Variants in KANK1 observed in about 807,000 individuals in gnomAD.
KANK1 encodes KN motif and ankyrin repeat domains 1, also known as KN motif and ankyrin repeat domain-containing protein 1.
KANK1 carries 109 observed loss-of-function variants against 106.2 expected under a neutral mutation model. The observed-to-expected ratio is 1.03, with a 90% CI of 0.88 to 1.20. The LOEUF is 1.20. Among genes scored for constraint, KANK1 ranks in the 50% most tolerant of loss-of-function variants. The pLI is 0.00. For missense variants in KANK1, 2,399 were observed against 1,710.7 expected (o/e 1.40, Z -7.10); for synonymous variants, 873 against 652.2 (o/e 1.34, Z -5.16).
chr9:507,892 G>A (rs1307191067), intron 1 of KANK1, among the ~76,000 whole-genome samples: 1 of 151,844 alleles, frequency 6.6e-6, no homozygotes, highest in Non-Finnish European at 1.5e-5. Flanking sequence ...CACCGTGTTG[G>A]TCAGGCTGGT....
intron 1 of KANK1, among the ~76,000 whole-genome samples, chr9:617,843 C>T (rs920796002): frequency 1.3e-5 from 2 of 152,180 alleles, no homozygotes; most frequent in Admixed American, 1.3e-4. Flanking sequence ...CCATGTAAGA[C>T]TTCTGTCTTT....
At chr9:675,661 C>G (rs1291323543) in intron 1 of KANK1, among the ~76,000 whole-genome samples, 6 of 152,064 alleles carry the variant, frequency 3.9e-5, no homozygotes, top group Admixed American at 3.9e-4. Context: ...CATGCTCTAT[C>G]ATTTTGTTAC....
chr9:586,581 G>A (rs955733167), intron 1 of KANK1, among the ~76,000 whole-genome samples: 8 of 152,142 alleles, frequency 5.3e-5, no homozygotes, highest in African/African-American at 1.9e-4. Flanking sequence ...GCCATTAACA[G>A]TTTTAGGAGA....
chr9:607,343 G>C lies in KANK1; in HGVS notation c.-83-69547G>C, dbSNP rs1023766405. On this transcript the variant is annotated intron_variant, in intron 1 of 11. Transcript: ENST00000382297. ...TCTACTATAAATACAAAAATTAGCT[G>C]GTGTGGCGACGCACACCTGTAGTCC... 2.0e-4 allele frequency among the ~76,000 whole-genome samples: 30 copies of C among 151,592 alleles called. 1 individual carries two copies. Among genetic ancestry groups the C allele is most frequent in the African/African-American group, 7.1e-4 (29 of 40,940 alleles).
intron 3 of KANK1, among the ~76,000 whole-genome samples, chr9:715,584 A>G (rs10976019): frequency 0.13 from 20,066 of 152,208 alleles, 1,717 homozygotes; most frequent in East Asian, 0.41. Context: ...CTGACATGCC[A>G]CACATCACTG....
chr9:514,849 A>G (rs1395172685), intron 1 of KANK1, among the ~76,000 whole-genome samples: 1 of 151,636 alleles, frequency 6.6e-6, no homozygotes. Flanking sequence ...TGGAGTAGGT[A>G]CCGTCAGAGT....
At chr9:502,481 A>T, upstream of KANK1, among the ~76,000 whole-genome samples, 1 of 151,764 alleles carries the variant, frequency 6.6e-6, no homozygotes, top group East Asian at 1.9e-4. Context: ...GCAAAGAGGG[A>T]GAAATAAAGG....
At chr9:595,771 A>G (rs1826063201) in intron 1 of KANK1, among the ~76,000 whole-genome samples, 2 of 151,798 alleles carry the variant, frequency 1.3e-5, no homozygotes, top group Non-Finnish European at 1.5e-5. Flanking sequence ...ATCCTCCTGC[A>G]TGGACCTCCC....
intron 3 of KANK1, 34 bp downstream of exon 3, chr9:713,498 A>C (rs1289206485): frequency 1.3e-6 from 2 of 1,516,932 alleles, no homozygotes; most frequent in African/African-American, 2.8e-5. Context: ...GGAATGAGGA[A>C]GGATGGGGGA....
intron 1 of KANK1, among the ~76,000 whole-genome samples, chr9:532,186 G>C (rs73369101): frequency 0.011 from 1,707 of 150,286 alleles, 34 homozygotes; most frequent in African/African-American, 0.038. Context: ...TTTAAAAGGA[G>C]TTTGAGAGCA....
At chr9:744,081 A>G (rs1160109809) in intron 10 of KANK1, among the ~76,000 whole-genome samples, 1 of 152,222 alleles carries the variant, frequency 6.6e-6, no homozygotes, top group Non-Finnish European at 1.5e-5. Flanking sequence ...GAGGTGGTTT[A>G]GGGTTTTAGG....
rs186251669 is a variant in KANK1, at chr9:613,647, A to C, written c.-83-63243A>C. ...TTTTGCTAATTCCTAAAAGGAATCC[A>C]CAGAGAGCAAACTCTCTATTACTAA... On this transcript the variant is annotated intron_variant, in intron 1 of 11. Coordinates refer to ENST00000382297, the MANE Select transcript of KANK1 (RefSeq NM_015158.5). Among the ~76,000 whole-genome samples the C allele has an allele frequency of 1.7e-4, 26 of 152,308 alleles. 1 individual carries two copies. The highest frequency in any genetic ancestry group is 1.2e-3 in the Admixed American group (19 of 15,302).
intron 3 of KANK1, among the ~76,000 whole-genome samples, chr9:719,076 C>T (rs1828579866): frequency 6.7e-6 from 1 of 150,206 alleles, no homozygotes; most frequent in African/African-American, 2.5e-5. Context: ...TGTCCTGCCT[C>T]AGCCTCCTGA....
At chr9:716,638 C>T (rs1427491457) in intron 3 of KANK1, among the ~76,000 whole-genome samples, 4 of 152,246 alleles carry the variant, frequency 2.6e-5, no homozygotes, top group Admixed American at 6.5e-5. Flanking sequence ...GTTCATTTCT[C>T]CTAGAGTTGA....
intron 3 of KANK1, among the ~76,000 whole-genome samples, chr9:720,704 T>A (rs749487221): frequency 3.9e-5 from 6 of 152,178 alleles, no homozygotes; most frequent in Non-Finnish European, 8.8e-5. Flanking sequence ...TCACCCAGGT[T>A]GGAATGCAGT....
intron 1 of KANK1, among the ~76,000 whole-genome samples, chr9:531,637 A>G (rs2060061130): frequency 6.6e-6 from 1 of 152,338 alleles, no homozygotes; most frequent in East Asian, 1.9e-4. Flanking sequence ...TGATGAAAAT[A>G]CAGCATCAGT....
chr9:651,111 A>T (rs894622367), intron 1 of KANK1, among the ~76,000 whole-genome samples: 2 of 152,154 alleles, frequency 1.3e-5, no homozygotes, highest in Non-Finnish European at 1.5e-5. Context: ...TGGAATCGGG[A>T]CAGTTTTCGG....
At chr9:694,681 A>G (rs1192974380) in intron 2 of KANK1, among the ~76,000 whole-genome samples, 1 of 152,164 alleles carries the variant, frequency 6.6e-6, no homozygotes, top group East Asian at 1.9e-4. Context: ...AGGCCGTTCC[A>G]CTACTGAGAA....
chr9:687,658 A>G (rs1306730814), intron 2 of KANK1, among the ~76,000 whole-genome samples: 1 of 151,658 alleles, frequency 6.6e-6, no homozygotes, highest in Non-Finnish European at 1.5e-5. Flanking sequence ...TATCTTTCCC[A>G]TATCTATTAA....
Sources: allele counts gnomAD v4.1 joint callset (sites outside exome capture counted in the v4.1 genomes callset), GRCh38; gene constraint gnomAD v4.1.1; transcripts MANE v1.5; gene names NCBI Gene and HGNC (gene_info 2026-07-23, HGNC 2026-07-21).